Variants in CFAP206 observed in about 807,000 individuals in gnomAD.
CFAP206 encodes cilia- and flagella-associated protein 206.
In CFAP206, 53 loss-of-function variants were observed where a neutral mutation model predicts 65.4. The ratio of observed to expected loss-of-function variants is 0.81; its 90% CI spans 0.65 to 1.02. CFAP206 has a LOEUF of 1.02. Ranked by LOEUF, CFAP206 falls within the 50% of genes least tolerant of loss-of-function variation. CFAP206 has a pLI of 0.00. For missense variants in CFAP206, 663 were observed against 753.2 expected, an observed-to-expected ratio of 0.88 and a Z score of 1.40; for synonymous variants, 250 against 254.4, an observed-to-expected ratio of 0.98 and a Z score of 0.17.
At chr6:87,422,707 C>T (rs1267956033) in intron 7 of CFAP206, among the ~76,000 whole-genome samples, 2 of 150,040 alleles carry the variant, frequency 1.3e-5, no homozygotes, top group Non-Finnish European at 3.0e-5. Context: ...GCTGAGATTG[C>T]ACCACTGCAC....
chr6:87,464,282 C>A lies in CFAP206; in HGVS notation c.*32C>A. 1.3e-6 allele frequency: 2 copies of A among 1,518,694 alleles called. No individual in the cohort carries two copies. The highest frequency in any genetic ancestry group is 1.2e-5 in the South Asian group (1 of 85,522). 94.1% of individuals were successfully genotyped at this position (1,518,694 alleles called of 1,614,324 possible). On this transcript the variant is annotated 3_prime_UTR_variant, in exon 13 of 13. Coordinates refer to ENST00000369562, the MANE Select transcript of CFAP206 (RefSeq NM_001031743.3). Reference sequence around the variant, plus strand: ...ACAACGTTTTAAAATAGATGCTACTCAATTATGAACAATAGCAAGTACTTA... The same window carrying A: ...ACAACGTTTTAAAATAGATGCTACTAAATTATGAACAATAGCAAGTACTTA...
chr6:87,432,818 T>C (rs1031815305), intron 10 of CFAP206, among the ~76,000 whole-genome samples: 6 of 152,238 alleles, frequency 3.9e-5, no homozygotes, highest in Non-Finnish European at 7.3e-5. Flanking sequence ...GATAAGTGAA[T>C]TCTGACGATT....
chr6:87,408,170 C>T lies in CFAP206; in HGVS notation c.-6+81C>T, dbSNP rs190188870. 24 of 732,668 alleles carry T rather than the reference C, an allele frequency of 3.3e-5. No individual in the cohort carries two copies. The East Asian group carries it at 3.0e-3, about 91-fold the overall frequency. 45.4% of individuals were successfully genotyped at this position (732,668 alleles called of 1,614,324 possible). On this transcript the variant is annotated intron_variant, in intron 1 of 12. Transcript: ENST00000369562. ...CGAGCTTGGGGCGGCTGGCGGAGCT[C>T]GGGCGGCTGGAGGACCGCGTCCTGC...
At chr6:87,413,958 A>G (rs1767782820) in intron 4 of CFAP206, 58 bp downstream of exon 4, 1 of 790,294 alleles carries the variant, frequency 1.3e-6, no homozygotes, top group Non-Finnish European at 1.9e-6. Flanking sequence ...TTCAGCTAAG[A>G]AGGGCTTCAT....
intron 10 of CFAP206, 83 bp downstream of exon 10, chr6:87,431,256 C>A: frequency 8.0e-7 from 1 of 1,257,270 alleles, no homozygotes; most frequent in Non-Finnish European, 1.1e-6. Flanking sequence ...TGAATATTCA[C>A]TTTAAAAACT....
chr6:87,456,555 C>T (rs1385907372), intron 11 of CFAP206, among the ~76,000 whole-genome samples: 2 of 152,040 alleles, frequency 1.3e-5, no homozygotes, highest in Non-Finnish European at 2.9e-5. Context: ...GCATCCACCT[C>T]GGAAAGGAAG....
intron 7 of CFAP206, among the ~76,000 whole-genome samples, chr6:87,420,343 A>G (rs1430652497): frequency 2.0e-5 from 3 of 152,250 alleles, no homozygotes. Flanking sequence ...AGAAGATGTC[A>G]TTCATTATAT....
chr6:87,411,603 C>A (rs1302141352), intron 3 of CFAP206, among the ~76,000 whole-genome samples: 1 of 151,882 alleles, frequency 6.6e-6, no homozygotes, highest in Non-Finnish European at 1.5e-5. Flanking sequence ...AGGCCAATGC[C>A]CAGCCCCCTA....
At chr6:87,443,777 C>G (rs1348259193) in intron 11 of CFAP206, among the ~76,000 whole-genome samples, 1 of 152,118 alleles carries the variant, frequency 6.6e-6, no homozygotes, top group Non-Finnish European at 1.5e-5. Context: ...CCTCCTCTCT[C>G]TCTCCCCACT....
intron 11 of CFAP206, among the ~76,000 whole-genome samples, chr6:87,458,269 A>T (rs1237521243): frequency 6.6e-6 from 1 of 152,050 alleles, no homozygotes; most frequent in Admixed American, 6.5e-5. Flanking sequence ...AGAAGTTCCT[A>T]AAAAAACTAT....
chr6:87,408,132 C>G, intron 1 of CFAP206, 43 bp downstream of exon 1: 9 of 953,450 alleles, frequency 9.4e-6, no homozygotes, highest in Non-Finnish European at 1.1e-5. Context: ...CGGAGGCGTA[C>G]CCCGCCAGGC....
At chr6:87,460,989 A>G in intron 11 of CFAP206, 33 bp from the exon 12 acceptor site, 1 of 1,537,198 alleles carries the variant, frequency 6.5e-7, no homozygotes, top group Non-Finnish European at 8.7e-7. Context: ...TTTATTTTTT[A>G]CAAGCACTAA....
In CFAP206 at chr6:87,436,977, G is replaced by GT. The variant is rs570465789; in HGVS notation, c.1494+1933dup. ...TTTAAAATGGTACTTATTATTGTTT[G>GT]TTTTTTTTTCTGAGACGGAGTCTTG... On this transcript the variant is annotated intron_variant, in intron 11 of 12. Transcript: ENST00000369562. Among the ~76,000 whole-genome samples, 89 of 150,828 alleles carry GT rather than the reference G, an allele frequency of 5.9e-4. 1 individual carries two copies. The South Asian group carries it at 0.012, about 20-fold the overall frequency.
chr6:87,411,139 G>T (rs541808315), intron 3 of CFAP206, among the ~76,000 whole-genome samples: 2 of 152,268 alleles, frequency 1.3e-5, no homozygotes, highest in East Asian at 3.9e-4. Context: ...AGGAAGGAAG[G>T]GCAGGGAAAT....
At chr6:87,441,998 T>C (rs751657448) in intron 11 of CFAP206, 4 of 243,014 alleles carry the variant, frequency 1.6e-5, no homozygotes, top group Admixed American at 8.1e-5. Context: ...GTCACACTTA[T>C]GATGGAAAAT....
intron 9 of CFAP206, among the ~76,000 whole-genome samples, chr6:87,429,440 C>T (rs1009873870): frequency 3.3e-5 from 5 of 152,042 alleles, no homozygotes; most frequent in African/African-American, 1.2e-4. Flanking sequence ...TTAATCATTG[C>T]TATTTTGTTG....
At chr6:87,444,678 C>A in intron 11 of CFAP206, 1 of 335,842 alleles carries the variant, frequency 3.0e-6, no homozygotes, top group Non-Finnish European at 5.7e-6. Context: ...CCTCTGGGCT[C>A]TCTCATGCTC....
intron 12 of CFAP206, 56 bp downstream of exon 12, chr6:87,461,221 T>A: frequency 3.3e-6 from 4 of 1,228,076 alleles, no homozygotes; most frequent in Non-Finnish European, 4.4e-6. Flanking sequence ...TAATCTATTG[T>A]TACTCATAGA....
chr6:87,457,445 C>T (rs2127957414), intron 11 of CFAP206, among the ~76,000 whole-genome samples: 1 of 152,244 alleles, frequency 6.6e-6, no homozygotes, highest in South Asian at 2.1e-4. Flanking sequence ...AGCAAAATAG[C>T]ATGGTACTGG....
Sources: gnomAD v4.1 joint callset for allele counts (sites outside exome capture counted in the v4.1 genomes callset) on GRCh38, gnomAD v4.1.1 for gene constraint, MANE v1.5 for transcripts, NCBI Gene and HGNC (gene_info 2026-07-23, HGNC 2026-07-21) for gene names.